ABCC11: variants seen among roughly 807,000 people sequenced by gnomAD.
The protein encoded by ABCC11 is ATP binding cassette subfamily C member 11, also known as ATP-binding cassette sub-family C member 11.
A neutral mutation model predicts 149.3 loss-of-function variants in ABCC11; 135 were observed. The ratio of observed to expected loss-of-function variants is 0.90; its 90% confidence interval spans 0.79 to 1.04. ABCC11 has a LOEUF of 1.04. Ranked by LOEUF, ABCC11 falls within the 50% of genes least tolerant of loss-of-function variation. ABCC11 has a pLI of 0.00. For synonymous variants in ABCC11, 665 were observed against 671.4 expected (o/e 0.99, Z 0.15); for missense variants, 1,680 against 1,722.1 (o/e 0.98, Z 0.43).
At chr16:48,211,972 T>A (rs543548358) in intron 10 of ABCC11, among the ~76,000 whole-genome samples, 2 of 152,178 alleles carry the variant, frequency 1.3e-5, no homozygotes, top group Non-Finnish European at 1.5e-5. Context: ...CATTTTGGAC[T>A]CTCTTACCCA....
Position 48,177,576 on chromosome 16 carries a change from C to T in ABCC11, c.3349-463G>A, listed in dbSNP as rs181290232. On this transcript the variant is annotated intron_variant, in intron 24 of 29. Coordinates refer to ENST00000356608, the MANE Select transcript of ABCC11 (RefSeq NM_001370497.1). ...AACTTAAGATCAACAACTTACTTAA[C>T]GTAAGTTCCACAACTTACTTAAGAT... Among the ~76,000 whole-genome samples, 15 of 152,282 alleles carry T rather than the reference C, an allele frequency of 9.9e-5. No homozygotes were observed. The East Asian group carries it at 2.7e-3, about 27-fold the overall frequency.
chr16:48,232,727 G>GC (rs1970489987), intron 1 of ABCC11, among the ~76,000 whole-genome samples: 1 of 152,184 alleles, frequency 6.6e-6, no homozygotes, highest in Admixed American at 6.5e-5. Context: ...TGCAGCCTGT[G>GC]CCCCCCAGGG....
At chr16:48,203,401 T>G in intron 13 of ABCC11, 101 bp from the exon 14 acceptor site, 1 of 1,117,112 alleles carries the variant, frequency 9.0e-7, no homozygotes, top group Non-Finnish European at 1.3e-6. Context: ...TGCTAAGAAA[T>G]TTAGACTTGA....
Position 48,168,505 on chromosome 16 carries a change from G to T in ABCC11, c.3892-845C>A, listed in dbSNP as rs140139385. On this transcript the variant is annotated intron_variant, in intron 28 of 29. Coordinates refer to ENST00000356608, the MANE Select transcript of ABCC11 (RefSeq NM_001370497.1). ...AACCATGATACATGTGTGTGAGCATGCATACATGTGTGAGTATGGAGAAGG... is the reference window on the plus strand; with the variant it reads ...AACCATGATACATGTGTGTGAGCATTCATACATGTGTGAGTATGGAGAAGG... 3.4e-3 allele frequency among the ~76,000 whole-genome samples: 523 copies of T among 152,270 alleles called. 2 individuals are homozygous for T. Among genetic ancestry groups the T allele is most frequent in the African/African-American group, 0.012 (499 of 41,552 alleles).
At chr16:48,244,820 A>G (rs188076011) in intron 1 of ABCC11, among the ~76,000 whole-genome samples, 84 of 152,332 alleles carry the variant, frequency 5.5e-4, no homozygotes, top group African/African-American at 1.9e-3. Context: ...TCGTTCATGA[A>G]GTAGTGCCTG....
chr16:48,225,340 A>C (rs972988639), intron 4 of ABCC11, among the ~76,000 whole-genome samples: 7 of 152,280 alleles, frequency 4.6e-5, no homozygotes, highest in Non-Finnish European at 1.0e-4. Context: ...CTCTGAATCA[A>C]GATCCAAACA....
chr16:48,204,526 G>C (rs769916262), intron 13 of ABCC11, among the ~76,000 whole-genome samples: 4 of 152,148 alleles, frequency 2.6e-5, no homozygotes, highest in Non-Finnish European at 2.9e-5. Context: ...CTGGCTTCCC[G>C]GGGTGCAAGG....
chr16:48,240,776 T>C (rs1055618068), intron 1 of ABCC11, among the ~76,000 whole-genome samples: 1 of 151,776 alleles, frequency 6.6e-6, no homozygotes, highest in African/African-American at 2.4e-5. Flanking sequence ...TAAATAAATA[T>C]GAAATTATCT....
Position 48,184,421 on chromosome 16 carries a change from C to T in ABCC11, c.3258+19G>A. 1 of 1,610,206 alleles carries T rather than the reference C, an allele frequency of 6.2e-7. No homozygotes were observed. The highest frequency in any genetic ancestry group is 8.5e-7 in the Non-Finnish European group (1 of 1,177,884). The stretch of plus-strand genomic sequence containing the variant: ...ATGAGCAAAGCTCAGAGAGGGCCCA[C>T]ACAGAGTCACCCCCTCACCTGCAGC... On this transcript the variant is annotated intron_variant, in intron 23 of 29. Transcript: ENST00000356608.
intron 28 of ABCC11, among the ~76,000 whole-genome samples, chr16:48,168,263 C>T (rs1965465792): frequency 6.6e-6 from 1 of 150,544 alleles, no homozygotes; most frequent in South Asian, 2.1e-4. Flanking sequence ...GGAAGCAATA[C>T]AGAGGAAGCC....
intron 1 of ABCC11, among the ~76,000 whole-genome samples, chr16:48,246,339 C>G (rs80041166): frequency 8.9e-4 from 135 of 152,310 alleles, no homozygotes; most frequent in Non-Finnish European, 1.8e-3. Context: ...ACATACGACT[C>G]TGCTCCTTCT....
chr16:48,170,831 G>T (rs1200044806), intron 27 of ABCC11, 58 bp downstream of exon 27: 12 of 1,510,664 alleles, frequency 7.9e-6, no homozygotes, highest in Non-Finnish European at 1.1e-5. Flanking sequence ...CCCCAAAGGG[G>T]CAGCCCCCCA....
chr16:48,210,949 T>C lies in ABCC11; in HGVS notation c.1607A>G (p.Lys536Arg). ...CCTGCGTGGCCTGAACAAGGCTACC[T>C]TGGACACCACCAGGTTGATCTTGTG... The part of the protein sequence containing the change: ...ELHKINLVVS[K>R]GMMLGVCGNT... Residue 536 changes from lysine to arginine, a missense_variant and splice_region_variant, in exon 11 of 30, where the codon AAG (lysine) becomes AGG (arginine). Transcript: ENST00000356608. 2.5e-6 allele frequency: 4 copies of C among 1,614,056 alleles called. No individual in the cohort carries two copies. Among genetic ancestry groups the C allele is most frequent in the Non-Finnish European group, 3.4e-6 (4 of 1,179,924 alleles).
At chr16:48,194,100 T>G in intron 18 of ABCC11, 118 bp from the exon 19 acceptor site, 2 of 673,668 alleles carry the variant, frequency 3.0e-6, no homozygotes, top group Non-Finnish European at 5.2e-6. Context: ...CCCCACCCAA[T>G]GTGGACACCT....
chr16:48,237,266 A>G (rs1030679631), intron 1 of ABCC11, among the ~76,000 whole-genome samples: 4 of 152,186 alleles, frequency 2.6e-5, no homozygotes, highest in Non-Finnish European at 5.9e-5. Context: ...GGTAGGGCAC[A>G]TTGTACATAT....
chr16:48,188,837 C>T lies in ABCC11; in HGVS notation c.2707-1410G>A, dbSNP rs532855304. ...TACATTTCCCCATGTACTTCTCAAG[C>T]TATAATGCAAGAAGTAGAAATGAAT... On this transcript the variant is annotated intron_variant, in intron 20 of 29. Transcript: ENST00000356608. Among the ~76,000 whole-genome samples, 5 of 152,306 alleles carry T rather than the reference C, an allele frequency of 3.3e-5. No individual in the cohort carries two copies. In the South Asian group the frequency reaches 1.0e-3, roughly 32 times the overall value.
chr16:48,201,618 T>C (rs1967990257), intron 14 of ABCC11, among the ~76,000 whole-genome samples: 1 of 151,964 alleles, frequency 6.6e-6, no homozygotes, highest in Admixed American at 6.6e-5. Flanking sequence ...AGGTTTTTAA[T>C]CTCCATTGAC....
rs550624598 is a variant in ABCC11 at position 48,187,761 on chromosome 16, C to T, written c.2707-334G>A. 8.3e-4 allele frequency among the ~76,000 whole-genome samples: 127 copies of T among 152,208 alleles called. 1 individual carries two copies. Among genetic ancestry groups the T allele is most frequent in the African/African-American group, 2.9e-3 (121 of 41,508 alleles). ...AACACTGAAGTGTATAATTAAAAGG[C>T]TGAATGTATGGTATATGAATTATAT... On this transcript the variant is annotated intron_variant, in intron 20 of 29. Coordinates refer to ENST00000356608, the MANE Select transcript of ABCC11 (RefSeq NM_001370497.1).
chr16:48,224,218 G>A lies in ABCC11; in HGVS notation c.543+64C>T, dbSNP rs765503096. On this transcript the variant is annotated intron_variant, in intron 5 of 29. Transcript: ENST00000356608. ...TCCTGGCATGGACTTGAACATGCCCGCAGTTCCATCGCTAAACCTCTGAAG... is the reference window on the plus strand; with the variant it reads ...TCCTGGCATGGACTTGAACATGCCCACAGTTCCATCGCTAAACCTCTGAAG... 54 of 1,545,830 alleles carry A rather than the reference G, an allele frequency of 3.5e-5. No individual in the cohort carries two copies. In the East Asian group the frequency reaches 5.0e-4, roughly 14 times the overall value.
Sources: gnomAD v4.1 joint callset for allele counts (sites outside exome capture counted in the v4.1 genomes callset) on GRCh38, gnomAD v4.1.1 for gene constraint, MANE v1.5 for transcripts, NCBI Gene and HGNC (gene_info 2026-07-23, HGNC 2026-07-21) for gene names.